FNBP4: variants seen among roughly 807,000 people sequenced by gnomAD.
FNBP4 encodes the protein formin binding protein 4, also known as formin-binding protein 4.
FNBP4 carries 34 observed loss-of-function variants against 119.3 expected under a neutral mutation model. The observed-to-expected ratio is 0.28, with a 90% CI of 0.22 to 0.38. The LOEUF (loss-of-function observed/expected upper bound fraction) is 0.38. FNBP4 is among the 10% of genes least tolerant of loss of function. The pLI is 1.00. For synonymous variants in FNBP4, 462 were observed against 430.6 expected, an observed-to-expected ratio of 1.07 and a Z score of -0.90; for missense variants, 1,112 against 1,228.9, an observed-to-expected ratio of 0.90 and a Z score of 1.42.
chr11:47,736,059 CAG>C (rs2097573542), intron 9 of FNBP4, among the ~76,000 whole-genome samples: 1 of 141,288 alleles, frequency 7.1e-6, no homozygotes, highest in South Asian at 2.4e-4. Context: ...GCCTGGGAAA[CAG>C]AGCGAGACTC....
In FNBP4 at chr11:47,732,085, G is replaced by A. The variant is rs2097568132; in HGVS notation, c.1820+452C>T. The A allele has an allele frequency of 4.0e-6, 4 of 993,218 alleles. No individual in the cohort carries two copies. Among genetic ancestry groups the A allele is most frequent in the African/African-American group, 1.7e-5 (1 of 57,482 alleles). 61.5% of individuals were successfully genotyped at this position (993,218 alleles called of 1,614,324 possible). On this transcript the variant is annotated intron_variant, in intron 11 of 16. Coordinates refer to ENST00000263773, the MANE Select transcript of FNBP4 (RefSeq NM_015308.5). This position sits in a 1 kb window ranked among gnomAD's most constrained non-coding sequence, Gnocchi z 4.2. ...AATAACGAAAAAAAAATCAAGAAAA[G>A]CCAAATATATAAAGAAATGTTTTCA...
rs2097553727 is a variant in FNBP4, at chr11:47,719,933, C to T, written c.2959G>A (p.Val987Ile). ...CTGTGTTTCCTTTTCTTTTACCTAA[C>T]CAGCTGCTGCTGTTTCCACTCTTCA... ...RIEEWKQQQLVSGMAERNANF... is the reference protein window; with the variant it reads ...RIEEWKQQQLISGMAERNANF... The change falls in exon 16 of 17, where the codon GTT (valine) becomes ATT (isoleucine). Residue 987 changes from valine to isoleucine, a missense_variant. This residue lies in a region of FNBP4 where 826 missense variants were observed against 988.8 expected (regional missense o/e 0.84). Coordinates refer to ENST00000263773, the MANE Select transcript of FNBP4 (RefSeq NM_015308.5). The T allele has an allele frequency of 6.2e-7, 1 of 1,613,660 alleles. No individual in the cohort carries two copies. The highest frequency in any genetic ancestry group is 1.3e-5 in the African/African-American group (1 of 75,026).
Position 47,732,229 on chromosome 11 carries a change from G to A in FNBP4, c.1820+308C>T. The A allele has an allele frequency of 1.8e-6, 2 of 1,133,788 alleles. No individual in the cohort carries two copies. The highest frequency in any genetic ancestry group is 2.2e-6 in the Non-Finnish European group (2 of 922,902). The allele number at this position is 1,133,788 out of a possible 1,614,324, so 70.2% of individuals were successfully genotyped here. ...GTTGCTTCCAGAGGTCCTGTAAAGC[G>A]CACAGAGCTCTCGCATGCGCTTAAC... On this transcript the variant is annotated intron_variant, in intron 11 of 16. Coordinates refer to ENST00000263773, the MANE Select transcript of FNBP4 (RefSeq NM_015308.5). The surrounding 1 kb of genome is among the most constrained non-coding windows in gnomAD (Gnocchi z 4.2).
intron 8 of FNBP4, among the ~76,000 whole-genome samples, chr11:47,737,182 C>T (rs2097575448): frequency 6.6e-6 from 1 of 152,094 alleles, no homozygotes; most frequent in Non-Finnish European, 1.5e-5. Flanking sequence ...CAGAGTGAGA[C>T]TCCATCTCAA....
intron 2 of FNBP4, among the ~76,000 whole-genome samples, chr11:47,756,939 T>C (rs2097620249): frequency 6.6e-6 from 1 of 152,216 alleles, no homozygotes; most frequent in Non-Finnish European, 1.5e-5. Context: ...TAATCCAGTC[T>C]ATCATTGATG....
chr11:47,722,907 C>T, intron 15 of FNBP4, 69 bp downstream of exon 15: 2 of 1,417,380 alleles, frequency 1.4e-6, no homozygotes, highest in Non-Finnish European at 1.8e-6. Flanking sequence ...TGGATAATTT[C>T]ATGTTATGTG....
At chr11:47,723,690 G>A (rs947146919) in intron 14 of FNBP4, among the ~76,000 whole-genome samples, 1 of 152,006 alleles carries the variant, frequency 6.6e-6, no homozygotes, top group African/African-American at 2.4e-5. Flanking sequence ...TCAGTCTCCT[G>A]AGTAGCCGGG....
At chr11:47,719,609 T>C (rs1157888752) in intron 16 of FNBP4, among the ~76,000 whole-genome samples, 1 of 146,846 alleles carries the variant, frequency 6.8e-6, no homozygotes. Context: ...TGTGTGTGTG[T>C]GTGTGTATAA....
At chr11:47,722,649 G>A (rs899676729) in intron 15 of FNBP4, among the ~76,000 whole-genome samples, 7 of 152,054 alleles carry the variant, frequency 4.6e-5, no homozygotes, top group African/African-American at 1.2e-4. Flanking sequence ...GGAGTGCAGT[G>A]CTGTGATCCT....
In FNBP4 at chr11:47,723,185, C is replaced by G; in HGVS notation, c.2596G>C (p.Ala866Pro). ...MSLQSNYLGL[A>P]AAPAIMSYAE... is the part of the protein sequence containing the mutation. ...TAACTCATAATTGCAGGTGCTGCCG[C>G]TAGTCCAAGGTAATTTGACTGCAGG... Residue 866 changes from alanine (A) to proline (P), a missense_variant, in exon 15 of 17, where the codon GCG becomes CCG. This residue lies in a region of FNBP4 where 826 missense variants were observed against 988.8 expected (regional missense o/e 0.84). Transcript: ENST00000263773. 1 of 1,613,992 alleles carries G rather than the reference C, an allele frequency of 6.2e-7. No homozygotes were observed. Among genetic ancestry groups the G allele is most frequent in the Non-Finnish European group, 8.5e-7 (1 of 1,180,034 alleles).
At chr11:47,731,335 G>T in intron 12 of FNBP4, 39 bp downstream of exon 12, 2 of 1,525,556 alleles carry the variant, frequency 1.3e-6, no homozygotes, top group South Asian at 1.3e-5. Context: ...TTCCTCTAAA[G>T]TCATTTTGGC....
intron 8 of FNBP4, among the ~76,000 whole-genome samples, chr11:47,741,314 C>T (rs1466971520): frequency 2.0e-5 from 3 of 151,580 alleles, no homozygotes; most frequent in Admixed American, 6.6e-5. Flanking sequence ...GGATTATATC[C>T]GTGTGCCACC....
chr11:47,735,095 A>G (rs2097572352), intron 9 of FNBP4, among the ~76,000 whole-genome samples: 1 of 151,892 alleles, frequency 6.6e-6, no homozygotes, highest in South Asian at 2.1e-4. Context: ...CAAACACAAG[A>G]CAACTCTCCA....
chr11:47,718,824 A>T (rs2097552234), intron 16 of FNBP4, among the ~76,000 whole-genome samples: 1 of 151,786 alleles, frequency 6.6e-6, no homozygotes, highest in Non-Finnish European at 1.5e-5. Context: ...AATTTCTAGA[A>T]TTTTTGAGAA....
Position 47,717,039 on chromosome 11 carries a change from T to G in FNBP4, c.*383A>C, listed in dbSNP as rs969723219. ...ACAATTCCAGTCAAGCAAGGTAGAA[T>G]GCAGAGCTGCCTTCTGAATTGCACT... On this transcript the variant is annotated 3_prime_UTR_variant, in exon 17 of 17. Coordinates refer to ENST00000263773, the MANE Select transcript of FNBP4 (RefSeq NM_015308.5). 4 of 164,280 alleles carry G rather than the reference T, an allele frequency of 2.4e-5. No homozygotes were observed. The highest frequency in any genetic ancestry group is 9.6e-5 in the African/African-American group (4 of 41,684). 10.2% of individuals were successfully genotyped at this position (164,280 alleles called of 1,614,324 possible).
chr11:47,719,885 C>A, intron 16 of FNBP4, 44 bp downstream of exon 16: 1 of 1,607,136 alleles, frequency 6.2e-7, no homozygotes, highest in Non-Finnish European at 8.5e-7. Context: ...TAGGTCTCAA[C>A]CTACTCCAAA....
chr11:47,723,564 GTTTT>G (rs1051473431), intron 14 of FNBP4, among the ~76,000 whole-genome samples: 7 of 152,094 alleles, frequency 4.6e-5, no homozygotes, highest in Non-Finnish European at 5.9e-5. Context: ...TGTGCTGAAC[GTTTT>G]TTGTGTTTTT....
chr11:47,723,525 A>G (rs921956377), intron 14 of FNBP4, among the ~76,000 whole-genome samples: 3 of 152,198 alleles, frequency 2.0e-5, no homozygotes, highest in Non-Finnish European at 4.4e-5. Flanking sequence ...ATCAATGTAC[A>G]TAAATATACA....
At chr11:47,754,469 A>G (rs1467674025) in intron 3 of FNBP4, 59 bp downstream of exon 3, 2 of 1,573,564 alleles carry the variant, frequency 1.3e-6, no homozygotes, top group East Asian at 4.5e-5. Context: ...CTGACCACTT[A>G]AGATCCAGGT....
Sources: allele counts gnomAD v4.1 joint callset (sites outside exome capture counted in the v4.1 genomes callset), GRCh38; gene constraint gnomAD v4.1.1; regional missense constraint gnomAD v4.1.1; non-coding constraint Gnocchi (gnomAD v3.1); transcripts MANE v1.5; gene names NCBI Gene and HGNC (gene_info 2026-07-23, HGNC 2026-07-21).